TRAT1: variants seen among roughly 807,000 people sequenced by gnomAD.
TRAT1 encodes T cell receptor associated transmembrane adaptor 1.
Under a neutral mutation model 20.0 loss-of-function variants are expected in TRAT1, and 20 were observed. The observed-to-expected ratio is 1.00, with a 90% CI of 0.70 to 1.45. The LOEUF is 1.45. Among genes scored for constraint, TRAT1 ranks in the 40% most tolerant of loss-of-function variants. The pLI is 0.00. For missense variants in TRAT1, 237 were observed against 224.1 expected, an observed-to-expected ratio of 1.06 and a Z score of -0.37; for synonymous variants, 77 against 74.2, an observed-to-expected ratio of 1.04 and a Z score of -0.20.
chr3:108,839,024 T>G, intron 3 of TRAT1, 57 bp downstream of exon 3: 3 of 1,318,594 alleles, frequency 2.3e-6, no homozygotes, highest in Non-Finnish European at 3.3e-6. Context: ...AAAGTAACAA[T>G]GCTATATTGT....
chr3:108,825,590 A>G (rs886638075), intron 1 of TRAT1, among the ~76,000 whole-genome samples: 7 of 152,156 alleles, frequency 4.6e-5, no homozygotes, highest in Non-Finnish European at 1.0e-4. Context: ...CATTTAATTT[A>G]GGTAATATTA....
intron 5 of TRAT1, among the ~76,000 whole-genome samples, chr3:108,850,742 T>A (rs1469610871): frequency 6.6e-6 from 1 of 152,218 alleles, no homozygotes; most frequent in Admixed American, 6.5e-5. Context: ...ATAATATGAT[T>A]TGCTAAATCC....
chr3:108,845,041 C>T (rs947545154), intron 3 of TRAT1, among the ~76,000 whole-genome samples: 1 of 152,020 alleles, frequency 6.6e-6, no homozygotes. Flanking sequence ...CTCAGAGGTA[C>T]ACTAGCCTCT....
At chr3:108,840,816 G>A (rs145226305) in intron 3 of TRAT1, among the ~76,000 whole-genome samples, 1 of 152,298 alleles carries the variant, frequency 6.6e-6, no homozygotes, top group East Asian at 1.9e-4. Context: ...TACTTACTCA[G>A]CAAAGGACAA....
chr3:108,851,597 G>A (rs1165303470), intron 5 of TRAT1, among the ~76,000 whole-genome samples: 1 of 146,068 alleles, frequency 6.8e-6, no homozygotes, highest in African/African-American at 2.5e-5. Context: ...ATTACTATTT[G>A]CCTACCAATA....
chr3:108,836,633 T>C (rs1039839840), intron 2 of TRAT1, among the ~76,000 whole-genome samples: 6 of 152,216 alleles, frequency 3.9e-5, no homozygotes, highest in African/African-American at 1.2e-4. Context: ...TGTTATATAA[T>C]ATGTATTTAG....
intron 2 of TRAT1, 107 bp downstream of exon 2, chr3:108,830,887 A>G (rs571794196): frequency 4.2e-6 from 3 of 720,240 alleles, no homozygotes; most frequent in Admixed American, 5.0e-5. Flanking sequence ...ATTCAACAGG[A>G]TATTTTTATC....
chr3:108,831,668 T>C (rs1382150722), intron 2 of TRAT1, among the ~76,000 whole-genome samples: 4 of 151,890 alleles, frequency 2.6e-5, no homozygotes, highest in Non-Finnish European at 5.9e-5. Flanking sequence ...GCCTCTCAAG[T>C]AGCTAGGATT....
Position 108,853,972 on chromosome 3 carries a change from G to C in TRAT1, c.*95G>C. 1 of 1,196,314 alleles carries C rather than the reference G, an allele frequency of 8.4e-7. No individual in the cohort carries two copies. The highest frequency in any genetic ancestry group is 1.2e-6 in the Non-Finnish European group (1 of 831,968). 74.1% of individuals were successfully genotyped at this position (1,196,314 alleles called of 1,614,324 possible). A position where few individuals can be genotyped will look rare whatever the true frequency, so the allele number is the denominator to read the frequency against. On this transcript the variant is annotated 3_prime_UTR_variant, in exon 6 of 6. Transcript: ENST00000295756. ...AGGACACAGAAGGACTTGGCAGCAG[G>C]GTGATGACCTGATCATTTGTTGATG... is the stretch of plus-strand genomic sequence containing the variant.
intron 1 of TRAT1, among the ~76,000 whole-genome samples, chr3:108,823,933 G>A (rs1246259946): frequency 1.3e-5 from 2 of 151,810 alleles, no homozygotes; most frequent in South Asian, 2.1e-4. Context: ...GTGCAGTGGC[G>A]CAATCTTGGC....
chr3:108,837,333 C>T (rs945522664), intron 2 of TRAT1, among the ~76,000 whole-genome samples: 8 of 152,130 alleles, frequency 5.3e-5, no homozygotes, highest in African/African-American at 1.7e-4. Context: ...GCATATGCTC[C>T]GCAAAATCTT....
In TRAT1 at chr3:108,854,468, CAACA is replaced by C. The variant is rs1417613708; in HGVS notation, c.*598_*601del. 6.6e-6 allele frequency: 1 copy of C among 152,170 alleles called. No individual in the cohort carries two copies. The highest frequency in any genetic ancestry group is 1.5e-5 in the Non-Finnish European group (1 of 68,028). 9.4% of individuals were successfully genotyped at this position (152,170 alleles called of 1,614,324 possible). A position where few individuals can be genotyped will look rare whatever the true frequency, so the allele number is the denominator to read the frequency against. The stretch of plus-strand genomic sequence containing the variant: ...TTGTCAAATTAATGCATGCTCCTTA[CAACA>C]AACAAATATCAAAAAGAGTTTAGGA... On this transcript the variant is annotated 3_prime_UTR_variant, in exon 6 of 6. Coordinates refer to ENST00000295756, the MANE Select transcript of TRAT1 (RefSeq NM_016388.4).
At chr3:108,830,323 T>C (rs1421689157) in intron 1 of TRAT1, among the ~76,000 whole-genome samples, 1 of 152,200 alleles carries the variant, frequency 6.6e-6, no homozygotes, top group Admixed American at 6.5e-5. Flanking sequence ...AGGTGAAAAG[T>C]ATAGCAAACT....
At chr3:108,827,769 T>C (rs985943068) in intron 1 of TRAT1, among the ~76,000 whole-genome samples, 1 of 152,102 alleles carries the variant, frequency 6.6e-6, no homozygotes, top group Non-Finnish European at 1.5e-5. Flanking sequence ...CAAGTGGTTA[T>C]GTGGGGCAAA....
intron 3 of TRAT1, among the ~76,000 whole-genome samples, chr3:108,846,169 T>C (rs760547281): frequency 2.0e-5 from 3 of 152,216 alleles, no homozygotes; most frequent in African/African-American, 4.8e-5. Context: ...ATCCTAGCAC[T>C]GCCAGTTACT....
rs1945710272 is a variant in TRAT1 at position 108,823,458 on chromosome 3, T to C, written c.7+524T>C. On this transcript the variant is annotated intron_variant, in intron 1 of 5. Transcript: ENST00000295756. ...CTGTTGTGAAAGGGTTGGATCCATA[T>C]TGACTCACTGTTATGAATCCATGTT... 2.0e-5 allele frequency among the ~76,000 whole-genome samples: 3 copies of C among 152,208 alleles called. 1 individual carries two copies. The South Asian group carries it at 6.2e-4, about 31-fold the overall frequency.
intron 4 of TRAT1, among the ~76,000 whole-genome samples, chr3:108,847,721 A>G (rs1388528096): frequency 2.0e-5 from 3 of 152,076 alleles, no homozygotes; most frequent in Admixed American, 1.3e-4. Flanking sequence ...ACATCCCTAA[A>G]TTTCTCCAAA....
At chr3:108,849,077 C>A in intron 4 of TRAT1, 89 bp from the exon 5 acceptor site, 2 of 1,139,200 alleles carry the variant, frequency 1.8e-6, no homozygotes, top group Non-Finnish European at 2.6e-6. Flanking sequence ...TTTATATTTG[C>A]AGCCAAATGT....
At chr3:108,852,708 G>A (rs986205455) in intron 5 of TRAT1, among the ~76,000 whole-genome samples, 1 of 152,154 alleles carries the variant, frequency 6.6e-6, no homozygotes, top group Non-Finnish European at 1.5e-5. Context: ...TTGAACAGTA[G>A]TTATAACTTT....
Sources: gnomAD v4.1 joint callset for allele counts (sites outside exome capture counted in the v4.1 genomes callset) on GRCh38, gnomAD v4.1.1 for gene constraint, MANE v1.5 for transcripts, NCBI Gene and HGNC (gene_info 2026-07-23, HGNC 2026-07-21) for gene names.